DROSHA: variants seen among roughly 807,000 people sequenced by gnomAD.
DROSHA encodes the protein ribonuclease 3.
In DROSHA, 56 loss-of-function variants were observed where a neutral mutation model predicts 181.9. That is an observed-to-expected ratio of 0.31 (90% CI 0.25 to 0.38). The LOEUF (loss-of-function observed/expected upper bound fraction) is 0.38, where lower values mean the gene tolerates loss of function less well. Ranked by LOEUF, DROSHA falls within the 10% of genes least tolerant of loss-of-function variation. The pLI, the probability that DROSHA is intolerant of heterozygous loss-of-function variation, is 1.00. For synonymous variants in DROSHA, 524 were observed against 591.2 expected (o/e 0.89, Z 1.65); for missense variants, 1,218 against 1,743.5 (o/e 0.70, Z 5.37).
intron 30 of DROSHA, among the ~76,000 whole-genome samples, chr5:31,417,226 T>C (rs78253357): frequency 6.6e-6 from 1 of 152,224 alleles, no homozygotes; most frequent in East Asian, 1.9e-4. Context: ...CCAGATAAAA[T>C]GCACTGCAAA....
rs1751562041 is a variant in DROSHA, at chr5:31,484,972, A to G, written c.1915-10T>C. 2 of 1,536,120 alleles carry G rather than the reference A, an allele frequency of 1.3e-6. No individual in the cohort carries two copies. On this transcript the variant is annotated splice_polypyrimidine_tract_variant and intron_variant, in intron 14 of 35. Coordinates refer to ENST00000344624, the MANE Select transcript of DROSHA (RefSeq NM_001382508.1). The stretch of plus-strand genomic sequence containing the variant: ...CTTTCACACAAAAATTCTGAAAAAT[A>G]AACCAAAATTAAATTACTGTAGTTT...
Position 31,478,288 on chromosome 5 carries a change from G to C in DROSHA, c.2071+5266C>G, listed in dbSNP as rs559765191. ...ACACATAAAATACACTGACACTAAC[G>C]ACAGCTGATGAGATTAAAAAGAAAA... On this transcript the variant is annotated intron_variant, in intron 16 of 35. Transcript: ENST00000344624. 2.6e-5 allele frequency among the ~76,000 whole-genome samples: 4 copies of C among 152,206 alleles called. No homozygotes were observed. In the South Asian group the frequency reaches 8.3e-4, roughly 32 times the overall value.
At chr5:31,405,175 G>A (rs1051409342) in intron 35 of DROSHA, among the ~76,000 whole-genome samples, 13 of 152,044 alleles carry the variant, frequency 8.6e-5, no homozygotes, top group East Asian at 1.9e-4. Flanking sequence ...CAGACCAGCC[G>A]GGCCAATATG....
At chr5:31,482,060 C>T (rs1223628362) in intron 16 of DROSHA, among the ~76,000 whole-genome samples, 3 of 152,138 alleles carry the variant, frequency 2.0e-5, no homozygotes, top group Non-Finnish European at 4.4e-5. Flanking sequence ...AGGGCTCCTG[C>T]CCAAGGGAGA....
rs1193998577 is a variant in DROSHA at position 31,424,442 on chromosome 5, A to G, written c.3246T>C (p.Pro1082=). 6.3e-7 allele frequency: 1 copy of G among 1,598,488 alleles called. No individual in the cohort carries two copies. The highest frequency in any genetic ancestry group is 1.1e-5 in the South Asian group (1 of 87,580). ...PDLREVWLNY[P]LHPLQLQEPN... ...TCATACTTACTTGGAGTGGGTGGAGAGGATAATTGAGCCAGACTTCGCGCA... is the reference window on the plus strand; with the variant it reads ...TCATACTTACTTGGAGTGGGTGGAGGGGATAATTGAGCCAGACTTCGCGCA... The change falls in exon 28 of 36, where the codon CCT becomes CCC. Residue 1082 remains proline (P), a synonymous_variant. Coordinates refer to ENST00000344624, the MANE Select transcript of DROSHA (RefSeq NM_001382508.1).
chr5:31,469,027 C>A (rs191708494), intron 17 of DROSHA, among the ~76,000 whole-genome samples: 1 of 152,242 alleles, frequency 6.6e-6, no homozygotes, highest in East Asian at 1.9e-4. Flanking sequence ...ACTGTGATAC[C>A]AGCCAGCCAT....
At chr5:31,421,211 C>G in intron 30 of DROSHA, 61 bp downstream of exon 30, 2 of 1,276,370 alleles carry the variant, frequency 1.6e-6, no homozygotes, top group South Asian at 2.4e-5. Flanking sequence ...ATATTTGACC[C>G]CTCTAATCTT....
intron 8 of DROSHA, among the ~76,000 whole-genome samples, chr5:31,513,281 G>T (rs1738899952): frequency 6.6e-6 from 1 of 152,146 alleles, no homozygotes; most frequent in East Asian, 1.9e-4. Context: ...AGATGCTCAG[G>T]AAGACAGCAG....
chr5:31,438,890 C>T (rs372676895), intron 23 of DROSHA, among the ~76,000 whole-genome samples: 8 of 152,098 alleles, frequency 5.3e-5, no homozygotes, highest in East Asian at 1.9e-4. Flanking sequence ...AGGAGGAAAA[C>T]GAAGCCAGTA....
chr5:31,403,185 A>ATAAC (rs1740236882), intron 35 of DROSHA, among the ~76,000 whole-genome samples: 1 of 152,276 alleles, frequency 6.6e-6, no homozygotes, highest in African/African-American at 2.4e-5. Flanking sequence ...GGTTTCAAAT[A>ATAAC]TAACTACTTT....
At chr5:31,439,314 A>G (rs1561162079) in intron 23 of DROSHA, among the ~76,000 whole-genome samples, 1 of 152,166 alleles carries the variant, frequency 6.6e-6, no homozygotes, top group East Asian at 1.9e-4. Flanking sequence ...ACCTGGGATA[A>G]TCCCTTTTTC....
chr5:31,515,214 G>C lies in DROSHA; in HGVS notation c.1064C>G (p.Ser355Cys), dbSNP rs1739144817. 6.2e-7 allele frequency: 1 copy of C among 1,608,834 alleles called. No individual in the cohort carries two copies. Among genetic ancestry groups the C allele is most frequent in the Admixed American group, 1.7e-5 (1 of 58,842 alleles). The change falls in exon 8 of 36, where the codon TCC (serine) becomes TGC (cysteine). Residue 355 changes from serine (S) to cysteine (C), a missense_variant. Ser to Cys is a moderately radical substitution (Grantham distance 112). Transcript: ENST00000344624. ...AGCTCTCTTCTTCTCCCTACTTGGG[G>C]AGCGACTTCAAAAGAGGGCAAAGGA... ...APPLEIVNHR[S>C]PSREKKRARW...
chr5:31,476,571 A>G (rs56011503), intron 16 of DROSHA, among the ~76,000 whole-genome samples: 127,171 of 152,146 alleles, frequency 0.84, 55,865 homozygotes, highest in Non-Finnish European at 0.97. Context: ...GAAATCTGCT[A>G]AATATTTTAA....
At chr5:31,506,113 C>G (rs1237568539) in intron 10 of DROSHA, among the ~76,000 whole-genome samples, 4 of 152,224 alleles carry the variant, frequency 2.6e-5, no homozygotes, top group Non-Finnish European at 4.4e-5. Context: ...GTAATCCCAG[C>G]ACTTTGGGAT....
intron 6 of DROSHA, among the ~76,000 whole-genome samples, chr5:31,517,920 T>TA (rs976222972): frequency 1.4e-4 from 21 of 146,446 alleles, no homozygotes; most frequent in Middle Eastern, 3.5e-3. Context: ...TTTTAATAAC[T>TA]AAAAAAAAAA....
At chr5:31,453,246 A>G (rs899723587) in intron 20 of DROSHA, among the ~76,000 whole-genome samples, 1 of 152,192 alleles carries the variant, frequency 6.6e-6, no homozygotes, top group Non-Finnish European at 1.5e-5. Context: ...CCCAGGCTAG[A>G]GTGCAGTGAC....
intron 14 of DROSHA, 58 bp from the exon 15 acceptor site, chr5:31,485,020 G>A (rs1751566180): frequency 2.6e-6 from 3 of 1,175,624 alleles, no homozygotes; most frequent in South Asian, 2.8e-5. Flanking sequence ...ATTAACTGAA[G>A]GTTCAACTTG....
rs1331862139 is a variant in DROSHA at position 31,422,681 on chromosome 5, G to A, written c.3419+106C>T. 3.5e-6 allele frequency: 5 copies of A among 1,418,312 alleles called. No homozygotes were observed. The African/African-American group carries it at 7.2e-5, about 20-fold the overall frequency. The allele number at this position is 1,418,312 out of a possible 1,614,324, so 87.9% of individuals were successfully genotyped here. ...ACCCATCTCACAATGTGACTTTCCT[G>A]GAAATATATTTGAAATCCCAATTCC... On this transcript the variant is annotated intron_variant, in intron 29 of 35. Coordinates refer to ENST00000344624, the MANE Select transcript of DROSHA (RefSeq NM_001382508.1).
At chr5:31,515,419 T>C (rs1268793623) in intron 7 of DROSHA, 35 bp downstream of exon 7, 9 of 1,134,700 alleles carry the variant, frequency 7.9e-6, no homozygotes, top group Admixed American at 2.5e-5. Context: ...TGTTTAAAAA[T>C]ACAAATTCCC....
Sources: gnomAD v4.1 joint callset for allele counts (sites outside exome capture counted in the v4.1 genomes callset) on GRCh38, gnomAD v4.1.1 for gene constraint, MANE v1.5 for transcripts, NCBI Gene and HGNC (gene_info 2026-07-23, HGNC 2026-07-21) for gene names.